Variants in CDH13 observed in about 807,000 individuals in gnomAD.
The protein encoded by CDH13 is cadherin-13.
CDH13 carries 24 observed loss-of-function variants against 63.8 expected under a neutral mutation model. That is an observed-to-expected ratio of 0.38 (90% confidence interval 0.27 to 0.53). The LOEUF (loss-of-function observed/expected upper bound fraction) is 0.53. Among genes scored for constraint, CDH13 ranks in the 20% least tolerant of loss-of-function variants. CDH13 has a pLI of 0.85. For missense variants in CDH13, 1,049 were observed against 903.1 expected (o/e 1.16, Z -2.07); for synonymous variants, 503 against 355.3 (o/e 1.42, Z -4.67).
chr16:83,248,299 T>C (rs973868832), intron 5 of CDH13, among the ~76,000 whole-genome samples: 4 of 151,798 alleles, frequency 2.6e-5, no homozygotes, highest in Non-Finnish European at 4.4e-5. Flanking sequence ...GGCAGGGGGG[T>C]ACATAAAAAT....
chr16:83,329,972 G>C (rs892246973), intron 5 of CDH13, among the ~76,000 whole-genome samples: 12 of 152,156 alleles, frequency 7.9e-5, no homozygotes, highest in African/African-American at 2.7e-4. Context: ...ATTGTGAATA[G>C]TGCTGCTATG....
At chr16:83,327,450 C>A (rs2090389856) in intron 5 of CDH13, among the ~76,000 whole-genome samples, 1 of 152,156 alleles carries the variant, frequency 6.6e-6, no homozygotes, top group Non-Finnish European at 1.5e-5. Context: ...AAAAAAGGGA[C>A]TTCTTTATAA....
At chr16:83,620,379 G>A (rs1240245463) in intron 8 of CDH13, among the ~76,000 whole-genome samples, 1 of 113,000 alleles carries the variant, frequency 8.8e-6, no homozygotes, top group African/African-American at 3.5e-5. Context: ...GACAGAGCGA[G>A]ACTCCGTCTC....
chr16:83,344,047 A>G (rs1222540791), intron 5 of CDH13, among the ~76,000 whole-genome samples: 1 of 152,204 alleles, frequency 6.6e-6, no homozygotes, highest in Admixed American at 6.5e-5. Context: ...TTCCAAATGC[A>G]GATGCCCTTT....
At chr16:83,742,379 C>G (rs1478646865) in intron 10 of CDH13, among the ~76,000 whole-genome samples, 1 of 152,152 alleles carries the variant, frequency 6.6e-6, no homozygotes, top group Non-Finnish European at 1.5e-5. Context: ...CTCAGAGCAG[C>G]TTCTGTGAAG....
intron 2 of CDH13, among the ~76,000 whole-genome samples, chr16:82,999,262 C>G (rs780531501): frequency 6.6e-6 from 1 of 151,958 alleles, no homozygotes; most frequent in Non-Finnish European, 1.5e-5. Flanking sequence ...TTCCCCCCTC[C>G]TTTGTCAGTC....
chr16:83,290,103 C>G (rs2089429678), intron 5 of CDH13, among the ~76,000 whole-genome samples: 1 of 152,198 alleles, frequency 6.6e-6, no homozygotes, highest in Non-Finnish European at 1.5e-5. Flanking sequence ...CACCTTCTTT[C>G]AGTCATCATG....
intron 1 of CDH13, among the ~76,000 whole-genome samples, chr16:82,668,092 T>G (rs1476872533): frequency 6.6e-6 from 1 of 152,124 alleles, no homozygotes; most frequent in Admixed American, 6.5e-5. Flanking sequence ...GTAGGATGGC[T>G]ATACCCTGCC....
chr16:82,892,336 C>G (rs984037989), intron 2 of CDH13, among the ~76,000 whole-genome samples: 3 of 152,194 alleles, frequency 2.0e-5, no homozygotes, highest in African/African-American at 7.2e-5. Context: ...CTCACACACT[C>G]TAGTCTTACG....
chr16:83,475,669 C>T (rs531881325), intron 6 of CDH13, among the ~76,000 whole-genome samples: 1 of 151,568 alleles, frequency 6.6e-6, no homozygotes, highest in Admixed American at 6.6e-5. Context: ...GCAGCCTTCG[C>T]CTCTCGTGTT....
intron 4 of CDH13, among the ~76,000 whole-genome samples, chr16:83,139,095 C>T (rs2151671527): frequency 6.6e-6 from 1 of 152,308 alleles, no homozygotes; most frequent in South Asian, 2.1e-4. Context: ...GGCTGCTGTA[C>T]TGCTCCTCTT....
At chr16:82,936,069 C>A (rs1183837662) in intron 2 of CDH13, among the ~76,000 whole-genome samples, 1 of 152,062 alleles carries the variant, frequency 6.6e-6, no homozygotes, top group Non-Finnish European at 1.5e-5. Context: ...AATGGGCTTT[C>A]CAGTTGATTG....
chr16:83,324,584 A>T (rs2090317690), intron 5 of CDH13, among the ~76,000 whole-genome samples: 1 of 152,206 alleles, frequency 6.6e-6, no homozygotes, highest in Non-Finnish European at 1.5e-5. Context: ...TCAGAGCTTC[A>T]TCCCATTTTA....
intron 1 of CDH13, among the ~76,000 whole-genome samples, chr16:82,634,088 A>T (rs1001274152): frequency 2.6e-5 from 4 of 152,214 alleles, no homozygotes; most frequent in Admixed American, 1.3e-4. Flanking sequence ...AGGCACAAAG[A>T]CCCTGTGTCT....
At chr16:83,252,836 A>G (rs973229217) in intron 5 of CDH13, among the ~76,000 whole-genome samples, 1 of 152,150 alleles carries the variant, frequency 6.6e-6, no homozygotes, top group Non-Finnish European at 1.5e-5. Flanking sequence ...AAAAATCCAT[A>G]CCATCAAGAA....
At chr16:83,395,077 G>A (rs1235698048) in intron 6 of CDH13, among the ~76,000 whole-genome samples, 6 of 151,594 alleles carry the variant, frequency 4.0e-5, no homozygotes, top group Non-Finnish European at 7.4e-5. Flanking sequence ...GAACCCAGGA[G>A]GCAGAGGTTG....
chr16:82,689,326 C>T (rs568067929), intron 1 of CDH13, among the ~76,000 whole-genome samples: 4 of 152,096 alleles, frequency 2.6e-5, no homozygotes, highest in South Asian at 2.1e-4. Context: ...AAATGTATTC[C>T]GTAGGTAAAT....
chr16:82,725,907 A>C (rs1163306036), intron 1 of CDH13, among the ~76,000 whole-genome samples: 1 of 152,128 alleles, frequency 6.6e-6, no homozygotes, highest in Admixed American at 6.5e-5. Context: ...ATAAGGCCTG[A>C]GGTTATGTGG....
In CDH13 at chr16:83,780,072, G is replaced by C; in HGVS notation, c.1786G>C (p.Ala596Pro). ...YPTVAEVCDD[A>P]KNLSVVILGA... ...CACAGTAGCTGAAGTCTGTGATGATGCCAAAAACCTCAGTGTAGTCATTTT... is the reference window on the plus strand; with the variant it reads ...CACAGTAGCTGAAGTCTGTGATGATCCCAAAAACCTCAGTGTAGTCATTTT... Residue 596 changes from alanine to proline, a missense_variant, in exon 12 of 14, where the codon GCC becomes CCC. Transcript: ENST00000567109. The C allele has an allele frequency of 6.2e-7, 1 of 1,613,834 alleles. No individual in the cohort carries two copies. The highest frequency in any genetic ancestry group is 8.5e-7 in the Non-Finnish European group (1 of 1,179,772).
Sources: allele counts gnomAD v4.1 joint callset (sites outside exome capture counted in the v4.1 genomes callset), GRCh38; gene constraint gnomAD v4.1.1; transcripts MANE v1.5; gene names NCBI Gene and HGNC (gene_info 2026-07-23, HGNC 2026-07-21).